IARS2: variants seen among roughly 807,000 people sequenced by gnomAD.
The protein encoded by IARS2 is isoleucyl-tRNA synthetase 2, mitochondrial.
IARS2 carries 56 observed loss-of-function variants against 126.3 expected under a neutral mutation model. That is an observed-to-expected ratio of 0.44 (90% CI 0.36 to 0.55). The LOEUF (loss-of-function observed/expected upper bound fraction) is 0.55. Ranked by LOEUF, IARS2 falls within the 20% of genes least tolerant of loss-of-function variation. The pLI is 0.00. For synonymous variants in IARS2, 407 were observed against 441.1 expected, an observed-to-expected ratio of 0.92 and a Z score of 0.97; for missense variants, 1,127 against 1,245.9, an observed-to-expected ratio of 0.90 and a Z score of 1.44.
chr1:220,119,152 A>G (rs1051467460), intron 12 of IARS2, among the ~76,000 whole-genome samples: 1 of 152,152 alleles, frequency 6.6e-6, no homozygotes, highest in Non-Finnish European at 1.5e-5. Context: ...AATAAGCCTC[A>G]TTCCGGTTGA....
intron 8 of IARS2, 81 bp downstream of exon 8, chr1:220,103,643 T>C (rs1656626661): frequency 1.2e-6 from 1 of 839,002 alleles, no homozygotes; most frequent in Non-Finnish European, 2.0e-6. Context: ...GAACTGCATA[T>C]TTTGAATTGA....
At chr1:220,106,164 A>G (rs1656677532) in intron 9 of IARS2, 104 bp downstream of exon 9, 1 of 979,428 alleles carries the variant, frequency 1.0e-6, no homozygotes, top group Non-Finnish European at 1.5e-6. Context: ...TTTTGTCATC[A>G]TAATTGTGAA....
chr1:220,104,246 G>A (rs955426304), intron 8 of IARS2, among the ~76,000 whole-genome samples: 6 of 152,248 alleles, frequency 3.9e-5, no homozygotes, highest in African/African-American at 1.2e-4. Context: ...CAAAGTGCTG[G>A]GATTAAAGGC....
At chr1:220,103,133 C>T (rs746124540) in intron 7 of IARS2, among the ~76,000 whole-genome samples, 1 of 151,912 alleles carries the variant, frequency 6.6e-6, no homozygotes, top group Non-Finnish European at 1.5e-5. Context: ...CTCCACCTCC[C>T]GGGTTCAAGC....
At chr1:220,111,703 A>ATTT (rs1190521338) in intron 11 of IARS2, among the ~76,000 whole-genome samples, 1 of 151,430 alleles carries the variant, frequency 6.6e-6, no homozygotes, top group East Asian at 1.9e-4. Context: ...ATATATAGAT[A>ATTT]TTTTGCTTTA....
chr1:220,118,783 A>T (rs1057485803), intron 12 of IARS2, among the ~76,000 whole-genome samples: 1 of 152,036 alleles, frequency 6.6e-6, no homozygotes, highest in Non-Finnish European at 1.5e-5. Context: ...GCTACCTCAA[A>T]TTTTTTCTCA....
At chr1:220,106,214 C>T (rs919559570) in intron 9 of IARS2, among the ~76,000 whole-genome samples, 154 bp downstream of exon 9, 30 of 152,172 alleles carry the variant, frequency 2.0e-4, no homozygotes, top group African/African-American at 6.3e-4. Context: ...TTCATTAATT[C>T]GTACTAATTG....
At chr1:220,101,740 C>A (rs1048472092) in intron 3 of IARS2, among the ~76,000 whole-genome samples, 1 of 152,128 alleles carries the variant, frequency 6.6e-6, no homozygotes, top group Non-Finnish European at 1.5e-5. Flanking sequence ...GTGGCTCACG[C>A]CTGTAATCCC....
intron 2 of IARS2, 50 bp from the exon 3 acceptor site, chr1:220,100,440 A>G: frequency 7.4e-7 from 1 of 1,346,610 alleles, no homozygotes; most frequent in Non-Finnish European, 1.0e-6. Flanking sequence ...TTTGAAATAC[A>G]TGGCCAAATA....
At chr1:220,094,513 C>T (rs771585656) in intron 1 of IARS2, 30 bp downstream of exon 1, 5 of 1,535,090 alleles carry the variant, frequency 3.3e-6, no homozygotes, top group Non-Finnish European at 4.4e-6. Context: ...GCGGGGCCTC[C>T]AGAGAGGCCC....
chr1:220,143,734 G>T (rs933358800), intron 21 of IARS2, among the ~76,000 whole-genome samples: 5 of 152,096 alleles, frequency 3.3e-5, no homozygotes, highest in Admixed American at 6.6e-5. Flanking sequence ...ATTTTCTCCA[G>T]CAAGTTACCA....
chr1:220,127,032 A>G (rs1657168791), intron 14 of IARS2, among the ~76,000 whole-genome samples, 189 bp downstream of exon 14: 1 of 152,236 alleles, frequency 6.6e-6, no homozygotes, highest in South Asian at 2.1e-4. Flanking sequence ...CTGTTTTTCT[A>G]GATGAAATTT....
Position 220,100,604 on chromosome 1 carries a change from G to C in IARS2, c.505G>C (p.Gly169Arg). ...PIEIKVLSEL[G>R]REAQNLSAME... ...TGAAATAAAAGTATTATCAGAACTT[G>C]GTAGAGAAGCTCAGAATCTTTCAGC... The change falls in exon 3 of 23, where the codon GGT becomes CGT. Residue 169 changes from glycine to arginine, a missense_variant. Transcript: ENST00000366922. 1 of 1,611,816 alleles carries C rather than the reference G, an allele frequency of 6.2e-7. No individual in the cohort carries two copies. The highest frequency in any genetic ancestry group is 8.5e-7 in the Non-Finnish European group (1 of 1,178,560).
At chr1:220,134,596 C>G (rs1657335098) in intron 15 of IARS2, 86 bp downstream of exon 15, 1 of 695,628 alleles carries the variant, frequency 1.4e-6, no homozygotes, top group Non-Finnish European at 2.3e-6. Flanking sequence ...GATAAGGCAC[C>G]ACTCTTGATT....
At chr1:220,146,776 A>T (rs1438209275) in intron 22 of IARS2, among the ~76,000 whole-genome samples, 2 of 152,080 alleles carry the variant, frequency 1.3e-5, no homozygotes, top group East Asian at 3.9e-4. Flanking sequence ...GATTCAAGCA[A>T]TTCTCTTGCC....
chr1:220,114,086 A>G (rs1315487663), intron 11 of IARS2, among the ~76,000 whole-genome samples: 1 of 152,156 alleles, frequency 6.6e-6, no homozygotes, highest in Non-Finnish European at 1.5e-5. Context: ...TCCTGATATT[A>G]TCACTGCTCC....
Position 220,147,566 on chromosome 1 carries a change from T to C in IARS2, c.2970T>C (p.Cys990=), listed in dbSNP as rs750725336. The C allele has an allele frequency of 2.5e-6, 4 of 1,614,168 alleles. No homozygotes were observed. The highest frequency in any genetic ancestry group is 4.5e-5 in the East Asian group (2 of 44,878). Reference sequence around the variant, plus strand: ...CTACGAAAGAAAAATGCCCCCGTTGTTGGAAGTATACAGCGGAGTCTTCAG... The same window carrying C: ...CTACGAAAGAAAAATGCCCCCGTTGCTGGAAGTATACAGCGGAGTCTTCAG... ...MPTTKEKCPR[C]WKYTAESSDT... is the part of the protein sequence containing the mutation. Residue 990 remains cysteine, a synonymous_variant, in exon 23 of 23, where the codon TGT becomes TGC. Coordinates refer to ENST00000366922, the MANE Select transcript of IARS2 (RefSeq NM_018060.4).
chr1:220,100,508 A>G lies in IARS2; in HGVS notation c.409A>G (p.Asn137Asp), dbSNP rs1656549106. The G allele has an allele frequency of 2.5e-6, 4 of 1,610,092 alleles. No homozygotes were observed. The highest frequency in any genetic ancestry group is 3.4e-6 in the Non-Finnish European group (4 of 1,178,304). The change falls in exon 3 of 23, where the codon AAT becomes GAT. Residue 137 changes from asparagine (N) to aspartate (D), a missense_variant. By Grantham distance (23) the Asn-to-Asp change is conservative. Transcript: ENST00000366922. Reference sequence around the variant, plus strand: ...TTTGCAGATTTTGAAAGACATAGCCAATCGATTCCATATGATGAATGGCTC... The same window carrying G: ...TTTGCAGATTTTGAAAGACATAGCCGATCGATTCCATATGATGAATGGCTC... ...ALNKILKDIA[N>D]RFHMMNGSKI...
intron 10 of IARS2, 60 bp from the exon 11 acceptor site, chr1:220,110,726 T>G (rs111543996): frequency 3.3e-5 from 44 of 1,319,858 alleles, no homozygotes; most frequent in African/African-American, 2.1e-4. Flanking sequence ...GTTTAGAGCA[T>G]TTTTAGGATT....
Sources: allele counts gnomAD v4.1 joint callset (sites outside exome capture counted in the v4.1 genomes callset), GRCh38; gene constraint gnomAD v4.1.1; transcripts MANE v1.5; gene names NCBI Gene and HGNC (gene_info 2026-07-23, HGNC 2026-07-21).